Variants in EIF3J observed in about 807,000 individuals in gnomAD.
EIF3J encodes eukaryotic translation initiation factor 3, subunit 1 (alpha, 35kD).
A neutral mutation model predicts 39.0 loss-of-function variants in EIF3J; 15 were observed. That is an observed-to-expected ratio of 0.38 (90% confidence interval 0.26 to 0.59). The LOEUF is 0.59. Ranked by LOEUF, EIF3J falls within the 20% of genes least tolerant of loss-of-function variation. The pLI is 0.60. For synonymous variants in EIF3J, 98 were observed against 112.9 expected (o/e 0.87, Z 0.84); for missense variants, 226 against 308.6 (o/e 0.73, Z 2.00).
intron 2 of EIF3J, among the ~76,000 whole-genome samples, chr15:44,541,590 C>T (rs1368372960): frequency 6.6e-6 from 1 of 152,138 alleles, no homozygotes; most frequent in Non-Finnish European, 1.5e-5. Context: ...TGTTAGGATC[C>T]TATTCCAATA....
chr15:44,538,147 T>C (rs1567114434), intron 2 of EIF3J, among the ~76,000 whole-genome samples: 1 of 152,170 alleles, frequency 6.6e-6, no homozygotes. Context: ...TGGTGGTGGT[T>C]GTAGATGACG....
chr15:44,549,660 G>A (rs979776842), intron 2 of EIF3J, among the ~76,000 whole-genome samples: 2 of 151,830 alleles, frequency 1.3e-5, no homozygotes, highest in Middle Eastern at 3.4e-3. Flanking sequence ...CCAGCTACTC[G>A]GGAGGCTGAG....
chr15:44,552,830 G>T (rs2082111791), intron 4 of EIF3J, among the ~76,000 whole-genome samples: 1 of 152,168 alleles, frequency 6.6e-6, no homozygotes, highest in African/African-American at 2.4e-5. Flanking sequence ...AGAGTGCTAG[G>T]ATTATAGGCG....
chr15:44,537,340 C>G lies in EIF3J; in HGVS notation c.60C>G (p.Ser20=), dbSNP rs756700300. The change falls in exon 2 of 8, where the codon TCC becomes TCG. Residue 20 remains serine (S), a synonymous_variant. Coordinates refer to ENST00000261868, the MANE Select transcript of EIF3J (RefSeq NM_003758.4). ...DSDSWDADAF[S]VEDPVRKVGG... ...CTTCCGTAGACGCCGACGCTTTCTCCGTGGAAGACCCAGTGCGGAAGGTGG... is the reference window on the plus strand; with the variant it reads ...CTTCCGTAGACGCCGACGCTTTCTCGGTGGAAGACCCAGTGCGGAAGGTGG... The G allele has an allele frequency of 1.3e-6, 2 of 1,565,628 alleles. No individual in the cohort carries two copies. Among genetic ancestry groups the G allele is most frequent in the Non-Finnish European group, 1.7e-6 (2 of 1,155,194 alleles).
intron 2 of EIF3J, among the ~76,000 whole-genome samples, chr15:44,544,724 A>AG (rs2082039930): frequency 2.3e-5 from 3 of 132,428 alleles, no homozygotes; most frequent in South Asian, 5.0e-4. Context: ...AAAAAAAAAA[A>AG]GGTGGGAGGG....
intron 3 of EIF3J, 103 bp from the exon 4 acceptor site, chr15:44,551,328 G>C (rs2082097263): frequency 1.3e-6 from 1 of 742,352 alleles, no homozygotes; most frequent in Non-Finnish European, 2.1e-6. Context: ...GTTTGAAGCT[G>C]GGAAAGGTTT....
Position 44,561,230 on chromosome 15 carries a change from C to T in EIF3J, c.*81C>T. ...AGCACAACTTCCTTTCCTTTCAGTT[C>T]TGCCAAATGCTACAATCAGAAGTGC... On this transcript the variant is annotated 3_prime_UTR_variant, in exon 8 of 8. Coordinates refer to ENST00000261868, the MANE Select transcript of EIF3J (RefSeq NM_003758.4). 1 of 1,472,252 alleles carries T rather than the reference C, an allele frequency of 6.8e-7. No individual in the cohort carries two copies. The highest frequency in any genetic ancestry group is 1.3e-5 in the South Asian group (1 of 78,986). The allele number at this position is 1,472,252 out of a possible 1,614,324, so 91.2% of individuals were successfully genotyped here.
chr15:44,554,720 C>A, intron 5 of EIF3J, 53 bp downstream of exon 5: 4 of 1,183,164 alleles, frequency 3.4e-6, no homozygotes, highest in Non-Finnish European at 4.8e-6. Flanking sequence ...AGGTGAAGAC[C>A]CAGAAAGTTC....
chr15:44,540,267 A>AT (rs71111863), intron 2 of EIF3J, among the ~76,000 whole-genome samples: 9 of 61,402 alleles, frequency 1.5e-4, no homozygotes, highest in African/African-American at 2.1e-4. Context: ...ATATATATAT[A>AT]TTTTTTTTTT....
chr15:44,545,730 A>G (rs116940419), intron 2 of EIF3J, among the ~76,000 whole-genome samples: 4,345 of 152,286 alleles, frequency 0.029, 103 homozygotes, highest in Non-Finnish European at 0.041. Context: ...ACTATCTTGA[A>G]ATATATAACA....
chr15:44,537,495 C>T, intron 2 of EIF3J, 68 bp downstream of exon 2: 1 of 1,415,882 alleles, frequency 7.1e-7, no homozygotes, highest in Non-Finnish European at 9.2e-7. Flanking sequence ...GACTCTGGGC[C>T]CCGGGTCGCT....
chr15:44,553,602 A>G (rs1390518651), intron 4 of EIF3J, among the ~76,000 whole-genome samples: 1 of 152,240 alleles, frequency 6.6e-6, no homozygotes, highest in Admixed American at 6.5e-5. Flanking sequence ...AATGACATCT[A>G]CTATTATATC....
chr15:44,555,717 A>T (rs1852318951), intron 5 of EIF3J, among the ~76,000 whole-genome samples: 1 of 152,212 alleles, frequency 6.6e-6, no homozygotes, highest in Non-Finnish European at 1.5e-5. Context: ...AAAGGTAAAA[A>T]CATGCATTCA....
At position 44,561,225 on chromosome 15, in the gene EIF3J, C is replaced by CAGT. The variant is rs1567121418; in HGVS notation, c.*77_*79dup. On this transcript the variant is annotated 3_prime_UTR_variant, in exon 8 of 8. Transcript: ENST00000261868. ...CATGTAGCACAACTTCCTTTCCTTTCAGTTCTGCCAAATGCTACAATCAGA... is the reference window on the plus strand; with the variant it reads ...CATGTAGCACAACTTCCTTTCCTTTCAGTAGTTCTGCCAAATGCTACAATCAGA... The CAGT allele has an allele frequency of 6.7e-7, 1 of 1,496,846 alleles. No individual in the cohort carries two copies. The highest frequency in any genetic ancestry group is 9.0e-7 in the Non-Finnish European group (1 of 1,111,018). The allele number at this position is 1,496,846 out of a possible 1,614,324, so 92.7% of individuals were successfully genotyped here. A position where few individuals can be genotyped will look rare whatever the true frequency, so the allele number is the denominator to read the frequency against.
intron 5 of EIF3J, among the ~76,000 whole-genome samples, chr15:44,557,158 T>C (rs2082151367): frequency 6.6e-6 from 1 of 152,098 alleles, no homozygotes; most frequent in African/African-American, 2.4e-5. Context: ...AATATTAATA[T>C]TGTAAGATAT....
rs369336596 is a variant in EIF3J at position 44,558,420 on chromosome 15, A to T, written c.571+770A>T. On this transcript the variant is annotated intron_variant, in intron 6 of 7. Coordinates refer to ENST00000261868, the MANE Select transcript of EIF3J (RefSeq NM_003758.4). ...AGATTGTAGACCATCCTGGCTAACA[A>T]GGTGAAGCTGAGGCAGGAGAATGGC... Among the ~76,000 whole-genome samples the T allele has an allele frequency of 2.0e-5, 3 of 150,584 alleles. No homozygotes were observed. In the East Asian group the frequency reaches 6.1e-4, roughly 31 times the overall value.
At chr15:44,541,629 A>G (rs2082015197) in intron 2 of EIF3J, among the ~76,000 whole-genome samples, 1 of 152,184 alleles carries the variant, frequency 6.6e-6, no homozygotes. Flanking sequence ...GATAGGGACA[A>G]TTTTCAGGGG....
chr15:44,544,098 CT>C (rs10630378), intron 2 of EIF3J, among the ~76,000 whole-genome samples: 3 of 134,042 alleles, frequency 2.2e-5, no homozygotes, highest in Non-Finnish European at 1.5e-5. Context: ...CTTTTCTTTT[CT>C]TTTTTTTTTT....
At position 44,562,113 on chromosome 15, in the gene EIF3J, A is replaced by G. The variant is rs1326381129; in HGVS notation, c.*964A>G. The G allele has an allele frequency of 6.6e-6, 1 of 152,636 alleles. No homozygotes were observed. The highest frequency in any genetic ancestry group is 1.5e-5 in the Non-Finnish European group (1 of 68,022). The allele number at this position is 152,636 out of a possible 1,614,324, so 9.5% of individuals were successfully genotyped here. A position where few individuals can be genotyped will look rare whatever the true frequency, so the allele number is the denominator to read the frequency against. On this transcript the variant is annotated 3_prime_UTR_variant, in exon 8 of 8. Coordinates refer to ENST00000261868, the MANE Select transcript of EIF3J (RefSeq NM_003758.4). ...AATTTTGTGTTACCTCCCAAGAGAT[A>G]CTTTTTGAGAGTATAGAACACAGCT...
Sources: allele counts gnomAD v4.1 joint callset (sites outside exome capture counted in the v4.1 genomes callset), GRCh38; gene constraint gnomAD v4.1.1; transcripts MANE v1.5; gene names NCBI Gene and HGNC (gene_info 2026-07-23, HGNC 2026-07-21).